Variants in B3GALT1 observed in about 807,000 individuals in gnomAD.
The protein encoded by B3GALT1 is UDP-Gal:betaGlcNAc beta 1,3-galactosyltransferase, polypeptide 1.
In B3GALT1, 10 loss-of-function variants were observed where a neutral mutation model predicts 23.2. The ratio of observed to expected loss-of-function variants is 0.43; its 90% CI spans 0.27 to 0.73. The LOEUF (loss-of-function observed/expected upper bound fraction) is 0.73. Ranked by LOEUF, B3GALT1 falls within the 30% of genes least tolerant of loss-of-function variation. B3GALT1 has a pLI of 0.21. For missense variants in B3GALT1, 299 were observed against 405.4 expected, an observed-to-expected ratio of 0.74 and a Z score of 2.25; for synonymous variants, 156 against 141.5, an observed-to-expected ratio of 1.10 and a Z score of -0.73.
chr2:167,403,938 A>G (rs972006094), intron 1 of B3GALT1, among the ~76,000 whole-genome samples: 2 of 152,180 alleles, frequency 1.3e-5, no homozygotes, highest in African/African-American at 4.8e-5. Flanking sequence ...TATAAATAAA[A>G]GGTTTCAGGT....
At chr2:167,541,676 G>A (rs1327483693) in intron 2 of B3GALT1, among the ~76,000 whole-genome samples, 1 of 149,482 alleles carries the variant, frequency 6.7e-6, no homozygotes, top group East Asian at 2.0e-4. Flanking sequence ...CATTTACTGG[G>A]GGCCTATTAG....
chr2:167,494,779 CT>C (rs567311181), intron 2 of B3GALT1, among the ~76,000 whole-genome samples: 81 of 152,296 alleles, frequency 5.3e-4, no homozygotes, highest in African/African-American at 1.9e-3. Context: ...ATGGTAAACT[CT>C]GTAAAGCAGT....
At chr2:167,491,785 A>G (rs1699714300) in intron 2 of B3GALT1, among the ~76,000 whole-genome samples, 1 of 151,814 alleles carries the variant, frequency 6.6e-6, no homozygotes, top group Non-Finnish European at 1.5e-5. Context: ...ACTGCACTCC[A>G]GCCTGGGTGA....
chr2:167,774,652 C>T (rs994788854), intron 3 of B3GALT1, among the ~76,000 whole-genome samples: 28 of 151,606 alleles, frequency 1.8e-4, no homozygotes, highest in African/African-American at 5.8e-4. Context: ...CATGTGCCAC[C>T]GCTCCTGGCT....
At chr2:167,774,505 T>G (rs939408103) in intron 3 of B3GALT1, among the ~76,000 whole-genome samples, 5 of 130,284 alleles carry the variant, frequency 3.8e-5, no homozygotes, top group East Asian at 2.2e-4. Flanking sequence ...TTGTTTTTTT[T>G]TTTTTTTTTG....
At chr2:167,406,331 A>G (rs1450776005) in intron 1 of B3GALT1, among the ~76,000 whole-genome samples, 2 of 152,140 alleles carry the variant, frequency 1.3e-5, no homozygotes, top group Non-Finnish European at 2.9e-5. Context: ...ACTCCCCACC[A>G]CAGAAATCCA....
At chr2:167,564,809 G>T (rs1259125086) in intron 2 of B3GALT1, among the ~76,000 whole-genome samples, 1 of 152,192 alleles carries the variant, frequency 6.6e-6, no homozygotes, top group Non-Finnish European at 1.5e-5. Context: ...GGGATGTGAA[G>T]GACCTCTTGA....
intron 2 of B3GALT1, among the ~76,000 whole-genome samples, chr2:167,577,539 C>T (rs1684407793): frequency 6.6e-6 from 1 of 151,796 alleles, no homozygotes; most frequent in African/African-American, 2.4e-5. Context: ...GCATTGCTTT[C>T]AATGAATTAA....
At chr2:167,513,629 T>C (rs1574112413) in intron 2 of B3GALT1, among the ~76,000 whole-genome samples, 1 of 152,094 alleles carries the variant, frequency 6.6e-6, no homozygotes, top group East Asian at 1.9e-4. Flanking sequence ...GTAAATAAAG[T>C]AAAATACATA....
chr2:167,859,420 T>C (rs1217732995), intron 4 of B3GALT1, among the ~76,000 whole-genome samples: 1 of 152,198 alleles, frequency 6.6e-6, no homozygotes, highest in African/African-American at 2.4e-5. Flanking sequence ...TAATCTTCCC[T>C]TCTAATTTGA....
intron 3 of B3GALT1, chr2:167,715,147 A>G: frequency 1.2e-6 from 2 of 1,613,932 alleles, no homozygotes. Flanking sequence ...TGGGAGGATC[A>G]TCTAAGTAAG....
intron 2 of B3GALT1, among the ~76,000 whole-genome samples, chr2:167,491,374 T>C (rs150791822): frequency 3.9e-5 from 6 of 152,184 alleles, no homozygotes; most frequent in Non-Finnish European, 8.8e-5. Flanking sequence ...GGTATCACCA[T>C]AAAAGGCTGC....
intron 3 of B3GALT1, among the ~76,000 whole-genome samples, chr2:167,745,888 G>C (rs1687644514): frequency 2.0e-5 from 3 of 151,960 alleles, no homozygotes; most frequent in Admixed American, 2.0e-4. Flanking sequence ...GTTATCTCTA[G>C]TCTGTCTTAC....
chr2:167,520,121 C>T (rs115487799), intron 2 of B3GALT1, among the ~76,000 whole-genome samples: 252 of 151,902 alleles, frequency 1.7e-3, no homozygotes, highest in Admixed American at 2.9e-3. Context: ...TTGAAAAGTT[C>T]ATGTTAAATG....
chr2:167,835,736 T>G (rs922955321), intron 4 of B3GALT1, among the ~76,000 whole-genome samples: 2 of 152,134 alleles, frequency 1.3e-5, no homozygotes, highest in African/African-American at 2.4e-5. Flanking sequence ...CCTCCTCAAG[T>G]GGGTCCCTGA....
At chr2:167,504,427 T>C (rs1251658987) in intron 2 of B3GALT1, among the ~76,000 whole-genome samples, 1 of 152,148 alleles carries the variant, frequency 6.6e-6, no homozygotes, top group Non-Finnish European at 1.5e-5. Context: ...ATAAATCACC[T>C]CAAAGGTCCT....
intron 3 of B3GALT1, among the ~76,000 whole-genome samples, chr2:167,673,122 C>T (rs1365527658): frequency 6.6e-6 from 1 of 151,872 alleles, no homozygotes; most frequent in Non-Finnish European, 1.5e-5. Context: ...TATGATAAGG[C>T]ATGGGAGAAC....
intron 4 of B3GALT1, among the ~76,000 whole-genome samples, chr2:167,832,449 A>G (rs996282107): frequency 2.6e-5 from 4 of 152,198 alleles, no homozygotes; most frequent in Non-Finnish European, 4.4e-5. Flanking sequence ...TTACTGTACA[A>G]TGGGAATGGG....
chr2:167,486,227 C>T (rs1169506207), intron 1 of B3GALT1, among the ~76,000 whole-genome samples: 4 of 151,008 alleles, frequency 2.6e-5, no homozygotes, highest in East Asian at 2.0e-4. Flanking sequence ...GGTGTGGTGG[C>T]GCATGCCTGT....
Sources: gnomAD v4.1 joint callset for allele counts (sites outside exome capture counted in the v4.1 genomes callset) on GRCh38, gnomAD v4.1.1 for gene constraint, MANE v1.5 for transcripts, NCBI Gene and HGNC (gene_info 2026-07-23, HGNC 2026-07-21) for gene names.